ARHGAP26: variants seen among roughly 807,000 people sequenced by gnomAD.
The protein encoded by ARHGAP26 is rho GTPase-activating protein 26.
A neutral mutation model predicts 104.8 loss-of-function variants in ARHGAP26; 38 were observed. That is an observed-to-expected ratio of 0.36 (90% CI 0.28 to 0.48). The LOEUF is 0.48. Ranked by LOEUF, ARHGAP26 falls within the 20% of genes least tolerant of loss-of-function variation. The probability of loss-of-function intolerance (pLI) is 0.99; values close to 1 mark genes in which losing one functional copy is unlikely to be tolerated. For synonymous variants in ARHGAP26, 341 were observed against 340.0 expected (o/e 1.00, Z -0.03); for missense variants, 704 against 947.9 (o/e 0.74, Z 3.38).
intron 14 of ARHGAP26, among the ~76,000 whole-genome samples, chr5:143,051,701 T>G (rs916422812): frequency 6.6e-6 from 1 of 152,316 alleles, no homozygotes; most frequent in South Asian, 2.1e-4. Flanking sequence ...TAAAAAGCCC[T>G]TTAGCCGGGC....
chr5:142,790,572 A>G (rs1477527494), intron 1 of ARHGAP26, among the ~76,000 whole-genome samples: 3 of 152,084 alleles, frequency 2.0e-5, no homozygotes, highest in Non-Finnish European at 4.4e-5. Context: ...GCCATTCGTC[A>G]TACAGTTCGG....
At chr5:142,903,729 A>T in intron 8 of ARHGAP26, 60 bp downstream of exon 8, 1 of 1,576,862 alleles carries the variant, frequency 6.3e-7, no homozygotes, top group East Asian at 2.3e-5. Context: ...TAGAAGGTGG[A>T]GGATGTATTC....
chr5:142,826,326 G>T (rs1357980278), intron 1 of ARHGAP26, among the ~76,000 whole-genome samples: 1 of 152,130 alleles, frequency 6.6e-6, no homozygotes, highest in South Asian at 2.1e-4. Flanking sequence ...TGGAGGAGGC[G>T]CTGTACACAG....
chr5:142,787,420 G>T (rs1297550404), intron 1 of ARHGAP26, among the ~76,000 whole-genome samples: 9 of 152,202 alleles, frequency 5.9e-5, no homozygotes, highest in Non-Finnish European at 2.9e-5. Context: ...ACCTATTTGG[G>T]GAGGTCAGGA....
intron 4 of ARHGAP26, among the ~76,000 whole-genome samples, chr5:142,885,073 C>T (rs986551354): frequency 7.9e-5 from 12 of 152,134 alleles, no homozygotes; most frequent in Admixed American, 2.0e-4. Context: ...ATTAGATATT[C>T]GTATTTACCT....
intron 1 of ARHGAP26, among the ~76,000 whole-genome samples, chr5:142,857,130 ACTT>A (rs1301742582): frequency 6.6e-6 from 1 of 152,086 alleles, no homozygotes; most frequent in East Asian, 1.9e-4. Context: ...GTGTGTCCTC[ACTT>A]CTTCTTACAA....
intron 11 of ARHGAP26, among the ~76,000 whole-genome samples, chr5:142,956,559 A>G (rs1769278622): frequency 6.6e-6 from 1 of 152,202 alleles, no homozygotes; most frequent in African/African-American, 2.4e-5. Flanking sequence ...CCTGGGTGAC[A>G]GAGAGCCTGT....
rs1298742076 is a variant in ARHGAP26, at chr5:143,222,361, A to G, written c.2195A>G (p.His732Arg). 1.9e-6 allele frequency: 3 copies of G among 1,594,176 alleles called. No individual in the cohort carries two copies. In the East Asian group the frequency reaches 6.7e-5, roughly 36 times the overall value. ...FTAGTVFDNV[H>R]PSQEPGWLEG... The stretch of plus-strand genomic sequence containing the variant: ...TTTCTCTCCCCTTCCTGTACAGTTC[A>G]CCCATCTCAGGAGCCTGGCTGGTTG... The change falls in exon 23 of 23, where the codon CAC (histidine) becomes CGC (arginine). Residue 732 changes from histidine to arginine, a missense_variant. His to Arg is a conservative substitution (Grantham distance 29, BLOSUM62 0). Coordinates refer to ENST00000645722, the MANE Select transcript of ARHGAP26 (RefSeq NM_001135608.3).
chr5:142,882,885 T>C (rs542598303), intron 4 of ARHGAP26, among the ~76,000 whole-genome samples: 10 of 152,318 alleles, frequency 6.6e-5, no homozygotes, highest in African/African-American at 2.4e-4. Context: ...TGGAGAGGGA[T>C]GGTGATTTGT....
At chr5:142,966,640 G>T (rs2152686633) in intron 11 of ARHGAP26, among the ~76,000 whole-genome samples, 1 of 152,266 alleles carries the variant, frequency 6.6e-6, no homozygotes, top group Non-Finnish European at 1.5e-5. Context: ...CTCATTGCTG[G>T]AAAAATGTAT....
chr5:143,097,360 GAAAA>G (rs56116431), intron 17 of ARHGAP26, among the ~76,000 whole-genome samples: 6 of 63,258 alleles, frequency 9.5e-5, no homozygotes, highest in African/African-American at 2.0e-4. Context: ...TCAAAAAAAA[GAAAA>G]AAAAAAAAAA....
intron 3 of ARHGAP26, among the ~76,000 whole-genome samples, chr5:142,878,759 C>T (rs1316290968): frequency 6.6e-6 from 1 of 152,036 alleles, no homozygotes; most frequent in African/African-American, 2.4e-5. Context: ...TGAGGTGGGA[C>T]GAGTTTGGTG....
chr5:142,791,878 C>T (rs971320602), intron 1 of ARHGAP26, among the ~76,000 whole-genome samples: 2 of 145,832 alleles, frequency 1.4e-5, no homozygotes, highest in Non-Finnish European at 3.0e-5. Context: ...GGACGAGAAT[C>T]GCTTGAACCC....
At chr5:142,862,722 C>T (rs930820877) in intron 1 of ARHGAP26, among the ~76,000 whole-genome samples, 7 of 152,138 alleles carry the variant, frequency 4.6e-5, no homozygotes, top group Non-Finnish European at 8.8e-5. Context: ...GGCTCTTTGT[C>T]CTGAATTCCA....
chr5:143,094,164 G>A (rs908848588), intron 17 of ARHGAP26, among the ~76,000 whole-genome samples: 9 of 152,302 alleles, frequency 5.9e-5, no homozygotes, highest in Admixed American at 2.6e-4. Context: ...CCGCCCCTGC[G>A]GTTTCTTTCT....
At chr5:142,968,444 CA>C (rs1771744324) in intron 11 of ARHGAP26, among the ~76,000 whole-genome samples, 1 of 152,028 alleles carries the variant, frequency 6.6e-6, no homozygotes, top group Non-Finnish European at 1.5e-5. Context: ...TGATATATTT[CA>C]AAAAATTTTT....
intron 12 of ARHGAP26, among the ~76,000 whole-genome samples, chr5:143,025,038 A>G (rs1419568812): frequency 6.6e-6 from 1 of 152,188 alleles, no homozygotes; most frequent in African/African-American, 2.4e-5. Context: ...CCTTTGCTCA[A>G]TGGTGCCTGG....
chr5:142,771,516 C>T (rs761262318), intron 1 of ARHGAP26: 168 of 878,040 alleles, frequency 1.9e-4, no homozygotes, highest in Non-Finnish European at 2.4e-4. Context: ...TCAGTACGTG[C>T]GCAGGTTCTG....
intron 20 of ARHGAP26, chr5:143,165,916 A>G: frequency 1.6e-6 from 1 of 616,836 alleles, no homozygotes. Flanking sequence ...TAGGGTTGTT[A>G]GGATGAAATG....
Sources: gnomAD v4.1 joint callset for allele counts (sites outside exome capture counted in the v4.1 genomes callset) on GRCh38, gnomAD v4.1.1 for gene constraint, MANE v1.5 for transcripts, NCBI Gene and HGNC (gene_info 2026-07-23, HGNC 2026-07-21) for gene names.